MYO1E: variants seen among roughly 807,000 people sequenced by gnomAD.
MYO1E encodes the protein myosin IE, also known as unconventional myosin-Ie.
In MYO1E, 68 loss-of-function variants were observed where a neutral mutation model predicts 151.1. The ratio of observed to expected loss-of-function variants is 0.45; its 90% CI spans 0.37 to 0.55. The LOEUF (loss-of-function observed/expected upper bound fraction) is 0.55, where lower values mean the gene tolerates loss of function less well. Among genes scored for constraint, MYO1E ranks in the 20% least tolerant of loss-of-function variants. The pLI is 0.00. For synonymous variants in MYO1E, 601 were observed against 501.7 expected (o/e 1.20, Z -2.64); for missense variants, 1,363 against 1,389.3 (o/e 0.98, Z 0.30).
At chr15:59,290,558 C>G (rs1455014899) in intron 1 of MYO1E, among the ~76,000 whole-genome samples, 1 of 152,190 alleles carries the variant, frequency 6.6e-6, no homozygotes, top group African/African-American at 2.4e-5. Context: ...ACTCCCCATG[C>G]CTGGTGTTCA....
At chr15:59,168,341 T>C (rs564611115) in intron 22 of MYO1E, among the ~76,000 whole-genome samples, 4 of 152,080 alleles carry the variant, frequency 2.6e-5, no homozygotes, top group African/African-American at 9.6e-5. Flanking sequence ...AGCCCAGGAA[T>C]TGGAGACCAG....
intron 4 of MYO1E, among the ~76,000 whole-genome samples, chr15:59,238,442 C>T (rs1360487519): frequency 6.6e-6 from 1 of 152,076 alleles, no homozygotes; most frequent in African/African-American, 2.4e-5. Flanking sequence ...GATAATGCAG[C>T]CTAAGTTAAG....
chr15:59,226,107 C>T (rs2079989680), intron 7 of MYO1E, among the ~76,000 whole-genome samples: 1 of 152,150 alleles, frequency 6.6e-6, no homozygotes, highest in South Asian at 2.1e-4. Context: ...CCATCTAGCA[C>T]TGGGTATTAT....
At chr15:59,295,981 C>A (rs1307702584) in intron 1 of MYO1E, among the ~76,000 whole-genome samples, 1 of 152,134 alleles carries the variant, frequency 6.6e-6, no homozygotes, top group African/African-American at 2.4e-5. Flanking sequence ...AGGAGGGAAC[C>A]AGAACCAGCA....
At chr15:59,230,214 CAGTGTGTGTTTGTG>C (rs1293202251) in intron 6 of MYO1E, among the ~76,000 whole-genome samples, 4 of 45,894 alleles carry the variant, frequency 8.7e-5, no homozygotes, top group African/African-American at 1.2e-4. Flanking sequence ...GAGAGAGAGA[CAGTGTGTGTTTGTG>C]TGTGTGTGTG....
chr15:59,230,813 C>A (rs552774605), intron 6 of MYO1E, among the ~76,000 whole-genome samples: 5 of 152,310 alleles, frequency 3.3e-5, no homozygotes, highest in Middle Eastern at 3.4e-3. Flanking sequence ...CTCCAAAATT[C>A]CCACTTATTT....
intron 1 of MYO1E, among the ~76,000 whole-genome samples, chr15:59,297,461 T>TTTTTA (rs1567007165): frequency 1.4e-5 from 2 of 146,280 alleles, no homozygotes; most frequent in Non-Finnish European, 3.0e-5. Context: ...TTTTTTTTTT[T>TTTTTA]AGTAGGGATG....
chr15:59,213,090 A>T (rs1211881385), intron 12 of MYO1E, among the ~76,000 whole-genome samples: 3 of 151,730 alleles, frequency 2.0e-5, no homozygotes, highest in African/African-American at 7.3e-5. Context: ...AGGAATCCTA[A>T]ACAATATGCT....
intron 4 of MYO1E, among the ~76,000 whole-genome samples, chr15:59,252,901 G>C (rs1596385991): frequency 6.6e-6 from 1 of 152,040 alleles, no homozygotes; most frequent in East Asian, 1.9e-4. Flanking sequence ...AAAAGGAAAA[G>C]CAAAGGAAAA....
Position 59,136,456 on chromosome 15 carries a change from T to G in MYO1E, c.*924A>C. Reference sequence around the variant, plus strand: ...AGAGTTGAGAAGAGTCTGCAGGGACTGACCTAGAAAGCAGTGACACTCCGT... The same window carrying G: ...AGAGTTGAGAAGAGTCTGCAGGGACGGACCTAGAAAGCAGTGACACTCCGT... On this transcript the variant is annotated 3_prime_UTR_variant, in exon 28 of 28. Coordinates refer to ENST00000288235, the MANE Select transcript of MYO1E (RefSeq NM_004998.4). The G allele has an allele frequency of 3.8e-6, 1 of 262,404 alleles. No individual in the cohort carries two copies. Among genetic ancestry groups the G allele is most frequent in the Non-Finnish European group, 7.8e-6 (1 of 127,866 alleles). 16.3% of individuals were successfully genotyped at this position (262,404 alleles called of 1,614,324 possible). A position where few individuals can be genotyped will look rare whatever the true frequency, so the allele number is the denominator to read the frequency against.
At chr15:59,263,761 T>C (rs572414076) in intron 2 of MYO1E, among the ~76,000 whole-genome samples, 3 of 152,214 alleles carry the variant, frequency 2.0e-5, no homozygotes, top group African/African-American at 7.2e-5. Flanking sequence ...GCCATAGTGC[T>C]AAGAGAAAAT....
At chr15:59,194,111 T>A (rs994260188) in intron 17 of MYO1E, among the ~76,000 whole-genome samples, 1 of 151,736 alleles carries the variant, frequency 6.6e-6, no homozygotes, top group African/African-American at 2.4e-5. Context: ...GAGGCAGAGG[T>A]TGCAGTGAAC....
At chr15:59,154,059 C>G (rs111902914) in intron 25 of MYO1E, among the ~76,000 whole-genome samples, 1,811 of 152,336 alleles carry the variant, frequency 0.012, 17 homozygotes, top group Middle Eastern at 0.02. Flanking sequence ...GCATGGTCAA[C>G]TTCCCGGGAT....
At chr15:59,283,895 T>C (rs914399043) in intron 1 of MYO1E, among the ~76,000 whole-genome samples, 3 of 152,258 alleles carry the variant, frequency 2.0e-5, no homozygotes, top group Admixed American at 2.0e-4. Flanking sequence ...TTACTATGTG[T>C]CACGTATCAA....
intron 6 of MYO1E, among the ~76,000 whole-genome samples, chr15:59,231,210 G>A (rs1429249512): frequency 6.6e-6 from 1 of 152,198 alleles, no homozygotes. Context: ...GGGCTGCGGT[G>A]GGCAGGCAGC....
chr15:59,317,462 A>C (rs1000293214), intron 1 of MYO1E, among the ~76,000 whole-genome samples: 3 of 152,184 alleles, frequency 2.0e-5, no homozygotes, highest in Admixed American at 2.0e-4. Flanking sequence ...GCAACAGAGA[A>C]AGTGATTTGG....
chr15:59,222,218 C>A (rs1372237154), intron 9 of MYO1E, among the ~76,000 whole-genome samples: 1 of 152,166 alleles, frequency 6.6e-6, no homozygotes, highest in Admixed American at 6.5e-5. Context: ...GCATTGTCAG[C>A]AATGAGTGGG....
chr15:59,245,963 C>G (rs1393602591), intron 4 of MYO1E, among the ~76,000 whole-genome samples: 3 of 152,170 alleles, frequency 2.0e-5, no homozygotes, highest in Non-Finnish European at 4.4e-5. Flanking sequence ...AAAGGTATCA[C>G]ATATGTGGTT....
rs571109957 is a variant in MYO1E at position 59,162,716 on chromosome 15, T to G, written c.2627+441A>C. On this transcript the variant is annotated intron_variant, in intron 23 of 27. Transcript: ENST00000288235. The stretch of plus-strand genomic sequence containing the variant: ...ACCTACACAATACGTTGGCCACCTA[T>G]AGTCCTCAAGCCCCCGGAGGCTCTA... Among the ~76,000 whole-genome samples the G allele has an allele frequency of 2.0e-5, 3 of 149,804 alleles. No individual in the cohort carries two copies. In the East Asian group the frequency reaches 5.9e-4, roughly 29 times the overall value.
Sources: gnomAD v4.1 joint callset for allele counts (sites outside exome capture counted in the v4.1 genomes callset) on GRCh38, gnomAD v4.1.1 for gene constraint, MANE v1.5 for transcripts, NCBI Gene and HGNC (gene_info 2026-07-23, HGNC 2026-07-21) for gene names.